The following ADGRF5 variants were observed in gnomAD, a reference collection of about 807,000 sequenced individuals.
ADGRF5 encodes G-protein coupled receptor 116.
ADGRF5 carries 75 observed loss-of-function variants against 132.3 expected under a neutral mutation model. The observed-to-expected ratio is 0.57, with a 90% CI of 0.47 to 0.69. The LOEUF (loss-of-function observed/expected upper bound fraction) is 0.69, where lower values mean the gene tolerates loss of function less well. ADGRF5 is among the 30% of genes least tolerant of loss of function. ADGRF5 has a pLI of 0.00. For missense variants in ADGRF5, 1,516 were observed against 1,630.6 expected, an observed-to-expected ratio of 0.93 and a Z score of 1.21; for synonymous variants, 629 against 597.6, an observed-to-expected ratio of 1.05 and a Z score of -0.77.
intron 3 of ADGRF5, among the ~76,000 whole-genome samples, chr6:46,892,136 C>T (rs888372508): frequency 6.7e-6 from 1 of 149,366 alleles, no homozygotes; most frequent in East Asian, 2.0e-4. Flanking sequence ...GGATTACATA[C>T]ACCTAGGGAA....
rs766084229 is a variant in ADGRF5, at chr6:46,856,923, A to G, written c.3775-15T>C. Reference sequence around the variant, plus strand: ...ATGAATAATCCCTGAGAAAAAAAAGATTGAAAAGAAGTGCATTTTAATTAT... The same window carrying G: ...ATGAATAATCCCTGAGAAAAAAAAGGTTGAAAAGAAGTGCATTTTAATTAT... On this transcript the variant is annotated splice_polypyrimidine_tract_variant and intron_variant, in intron 17 of 20. Coordinates refer to ENST00000283296, the MANE Select transcript of ADGRF5 (RefSeq NM_001098518.2). The G allele has an allele frequency of 1.3e-6, 2 of 1,593,484 alleles. No individual in the cohort carries two copies. Among genetic ancestry groups the G allele is most frequent in the Admixed American group, 1.7e-5 (1 of 59,972 alleles).
chr6:46,935,048 G>A (rs1007397369), intron 1 of ADGRF5, among the ~76,000 whole-genome samples: 2 of 131,036 alleles, frequency 1.5e-5, no homozygotes, highest in Non-Finnish European at 3.1e-5. Flanking sequence ...CTGTTGCCCA[G>A]GCTGGAATGC....
chr6:46,929,041 A>T (rs1777401331), intron 1 of ADGRF5, among the ~76,000 whole-genome samples: 1 of 152,202 alleles, frequency 6.6e-6, no homozygotes, highest in Non-Finnish European at 1.5e-5. Flanking sequence ...ACACATGCAC[A>T]CGTAAGTTTA....
At chr6:46,886,350 G>A (rs961167823) in intron 4 of ADGRF5, among the ~76,000 whole-genome samples, 1 of 152,224 alleles carries the variant, frequency 6.6e-6, no homozygotes, top group African/African-American at 2.4e-5. Flanking sequence ...GAAGCTGAGT[G>A]CCCGCTAGAG....
intron 1 of ADGRF5, among the ~76,000 whole-genome samples, chr6:46,934,949 A>G (rs183799072): frequency 2.9e-4 from 44 of 151,958 alleles, no homozygotes; most frequent in Non-Finnish European, 4.9e-4. Flanking sequence ...TTTAGGAAAA[A>G]TACTTAATCA....
chr6:46,949,827 C>T (rs1778430687), intron 1 of ADGRF5, among the ~76,000 whole-genome samples: 1 of 152,134 alleles, frequency 6.6e-6, no homozygotes, highest in Admixed American at 6.5e-5. Context: ...AGAAGTAACC[C>T]ATAATTTAGT....
rs927895620 is a variant in ADGRF5 at position 46,940,071 on chromosome 6, T to A, written c.-25+14663A>T. ...TTCTGTATCTGAAACCAAACACCGA[T>A]TGAAAAATATGGTTTTCCTTGGATG... is the stretch of plus-strand genomic sequence containing the variant. On this transcript the variant is annotated intron_variant, in intron 1 of 20. Transcript: ENST00000265417. Among the ~76,000 whole-genome samples, 5 of 152,202 alleles carry A rather than the reference T, an allele frequency of 3.3e-5. 1 individual carries two copies. Among genetic ancestry groups the A allele is most frequent in the Non-Finnish European group, 7.3e-5 (5 of 68,036 alleles).
chr6:46,924,784 G>T (rs1044509273), upstream of ADGRF5, among the ~76,000 whole-genome samples: 1 of 152,152 alleles, frequency 6.6e-6, no homozygotes, highest in African/African-American at 2.4e-5. Context: ...CAGTTACCCA[G>T]ATCAAAACCC....
In ADGRF5 at chr6:46,867,150, C is replaced by A; in HGVS notation, c.1622-13G>T. The A allele has an allele frequency of 1.4e-6, 2 of 1,414,620 alleles. No homozygotes were observed. Among genetic ancestry groups the A allele is most frequent in the South Asian group, 1.2e-5 (1 of 85,102 alleles). The allele number at this position is 1,414,620 out of a possible 1,614,324, so 87.6% of individuals were successfully genotyped here. A position where few individuals can be genotyped will look rare whatever the true frequency, so the allele number is the denominator to read the frequency against. The stretch of plus-strand genomic sequence containing the variant: ...CAGTGATAGGTTCCTGAGTAGAAGA[C>A]GGCAAAAATGAGATGGAATGGAAAT... On this transcript the variant is annotated splice_polypyrimidine_tract_variant and intron_variant, in intron 12 of 20. Transcript: ENST00000283296.
At chr6:46,950,960 G>C (rs79190166) in intron 1 of ADGRF5, among the ~76,000 whole-genome samples, 1 of 152,306 alleles carries the variant, frequency 6.6e-6, no homozygotes, top group East Asian at 1.9e-4. Context: ...TTAAAAACCA[G>C]GTCTGCCTCT....
At chr6:46,857,439 T>C (rs1769187144) in intron 17 of ADGRF5, among the ~76,000 whole-genome samples, 1 of 152,198 alleles carries the variant, frequency 6.6e-6, no homozygotes, top group Non-Finnish European at 1.5e-5. Context: ...CAAGTTTTTT[T>C]CTATCCTTAC....
upstream of ADGRF5, among the ~76,000 whole-genome samples, chr6:46,925,493 A>C (rs1013213862): frequency 1.3e-5 from 2 of 152,224 alleles, no homozygotes; most frequent in Non-Finnish European, 2.9e-5. Context: ...GCAGTGGCTC[A>C]TGCCTGTAAT....
chr6:46,912,914 T>C (rs1197443247), intron 1 of ADGRF5, among the ~76,000 whole-genome samples: 1 of 152,132 alleles, frequency 6.6e-6, no homozygotes, highest in Non-Finnish European at 1.5e-5. Context: ...AAAGCCCTCT[T>C]CAGCACACAA....
chr6:46,918,080 G>A (rs868717148), intron 1 of ADGRF5, among the ~76,000 whole-genome samples: 43 of 152,176 alleles, frequency 2.8e-4, no homozygotes, highest in African/African-American at 8.7e-4. Flanking sequence ...AAGATTTCAC[G>A]TTGGCGATTA....
At chr6:46,940,005 T>C (rs1356626600) in intron 1 of ADGRF5, among the ~76,000 whole-genome samples, 2 of 151,862 alleles carry the variant, frequency 1.3e-5, no homozygotes, top group African/African-American at 4.8e-5. Flanking sequence ...CCCAGTTTTA[T>C]GTGGATTTTT....
At chr6:46,918,767 C>T (rs749842642) in intron 1 of ADGRF5, among the ~76,000 whole-genome samples, 4 of 152,242 alleles carry the variant, frequency 2.6e-5, no homozygotes, top group South Asian at 2.1e-4. Flanking sequence ...TCTGTTCCTC[C>T]GAAAGACAGC....
At position 46,864,068 on chromosome 6, in the gene ADGRF5, T is replaced by A. The variant is rs572161613; in HGVS notation, c.1991-972A>T. On this transcript the variant is annotated intron_variant, in intron 14 of 20. Coordinates refer to ENST00000283296, the MANE Select transcript of ADGRF5 (RefSeq NM_001098518.2). ...ATAACGATCCTTTGTCTATCACAAG[T>A]CCTGTTGCTGGGAAGATTTAAGAGG... Among the ~76,000 whole-genome samples, 33 of 152,302 alleles carry A rather than the reference T, an allele frequency of 2.2e-4. No individual in the cohort carries two copies. The South Asian group carries it at 6.4e-3, about 30-fold the overall frequency.
At chr6:46,907,924 T>G (rs1775560337) in intron 1 of ADGRF5, 1 of 152,224 alleles carries the variant, frequency 6.6e-6, no homozygotes, top group South Asian at 2.1e-4. Flanking sequence ...AAATGCAGGC[T>G]GCAATAATTA....
At chr6:46,943,127 C>T (rs905411185) in intron 1 of ADGRF5, among the ~76,000 whole-genome samples, 2 of 151,422 alleles carry the variant, frequency 1.3e-5, no homozygotes, top group African/African-American at 4.9e-5. Context: ...TAGAAATTTA[C>T]ATCAGATATG....
Sources: allele counts gnomAD v4.1 joint callset (sites outside exome capture counted in the v4.1 genomes callset), GRCh38; gene constraint gnomAD v4.1.1; transcripts MANE v1.5; gene names NCBI Gene and HGNC (gene_info 2026-07-23, HGNC 2026-07-21).